Variants in THSD1 observed in about 807,000 individuals in gnomAD.
THSD1 encodes the protein thrombospondin type 1 domain containing 1.
In THSD1, 34 loss-of-function variants were observed where a neutral mutation model predicts 46.3. The observed-to-expected ratio is 0.74, with a 90% CI of 0.56 to 0.98. The LOEUF is 0.98. Ranked by LOEUF, THSD1 falls within the 50% of genes least tolerant of loss-of-function variation. THSD1 has a pLI of 0.00. For missense variants in THSD1, 1,023 were observed against 1,058.3 expected (o/e 0.97, Z 0.46); for synonymous variants, 407 against 416.5 (o/e 0.98, Z 0.28).
Position 52,381,401 on chromosome 13 carries a change from C to T in THSD1, c.1181-2612G>A, listed in dbSNP as rs544586413. ...GTCACAGCACCCAACCTCAGCTGCCCACAAATCCTTCCATGGGTCCCCTAA... is the reference window on the plus strand; with the variant it reads ...GTCACAGCACCCAACCTCAGCTGCCTACAAATCCTTCCATGGGTCCCCTAA... On this transcript the variant is annotated intron_variant, in intron 4 of 4. Transcript: ENST00000258613. Among the ~76,000 whole-genome samples the T allele has an allele frequency of 2.0e-5, 3 of 152,232 alleles. No individual in the cohort carries two copies. In the South Asian group the frequency reaches 6.2e-4, roughly 32 times the overall value.
intron 3 of THSD1, among the ~76,000 whole-genome samples, chr13:52,392,994 C>A (rs565067024): frequency 6.6e-6 from 1 of 152,046 alleles, no homozygotes; most frequent in East Asian, 1.9e-4. Flanking sequence ...AAAAACAGAG[C>A]CTTTTTTTTT....
rs1957656496 is a variant in THSD1 at position 52,378,298 on chromosome 13, G to T, written c.1672C>A (p.Pro558Thr). The T allele has an allele frequency of 6.2e-7, 1 of 1,614,090 alleles. No individual in the cohort carries two copies. The highest frequency in any genetic ancestry group is 1.3e-5 in the African/African-American group (1 of 74,924). ...TTKVYHVSQS[P>T]LTDTAIDAAP... ...GCATCAATGGCAGTGTCTGTCAGGG[G>T]ACTCTGAGACACGTGATACACTTTG... Residue 558 changes from proline to threonine, a missense_variant, in exon 5 of 5, where the codon CCC becomes ACC. Around this residue, in one of 3 missense-constraint regions of THSD1, gnomAD observed 578 missense variants for 497.4 expected, o/e 1.16. Coordinates refer to ENST00000258613, the MANE Select transcript of THSD1 (RefSeq NM_018676.4).
At chr13:52,385,561 GT>G (rs911392621) in intron 4 of THSD1, among the ~76,000 whole-genome samples, 6 of 148,638 alleles carry the variant, frequency 4.0e-5, no homozygotes, top group Admixed American at 3.3e-4. Context: ...GCCACTCAGG[GT>G]ATAGGACAGG....
rs1655866346 is a variant in THSD1, at chr13:52,386,198, TAA to T, written c.1022-14_1022-13del. ...CAGTCCCCAAGTTTCTGCAAGGATA[TAA>T]GTTATGCTTTTAATGCTAGTTCATT... On this transcript the variant is annotated splice_polypyrimidine_tract_variant and intron_variant, in intron 3 of 4. Transcript: ENST00000258613. 2.5e-6 allele frequency: 4 copies of T among 1,612,538 alleles called. No individual in the cohort carries two copies. The African/African-American group carries it at 5.3e-5, about 21-fold the overall frequency.
intron 2 of THSD1, among the ~76,000 whole-genome samples, chr13:52,400,932 G>C (rs914329882): frequency 1.3e-5 from 2 of 151,990 alleles, no homozygotes; most frequent in African/African-American, 4.8e-5. Flanking sequence ...TTTGTAGAAG[G>C]CTGTTACATG....
chr13:52,377,239 C>A lies in THSD1; in HGVS notation c.*172G>T. The stretch of plus-strand genomic sequence containing the variant: ...AGAAATTGAATAACAAAGGAAAAAG[C>A]TCAAGATAAATAATTTCTTCCTTGT... On this transcript the variant is annotated 3_prime_UTR_variant, in exon 5 of 5. Transcript: ENST00000258613. 2 of 1,322,532 alleles carry A rather than the reference C, an allele frequency of 1.5e-6. No homozygotes were observed. The highest frequency in any genetic ancestry group is 2.8e-5 in the South Asian group (1 of 35,272). The allele number at this position is 1,322,532 out of a possible 1,614,324, so 81.9% of individuals were successfully genotyped here.
intron 3 of THSD1, among the ~76,000 whole-genome samples, chr13:52,392,515 C>T (rs930065589): frequency 2.0e-5 from 3 of 152,330 alleles, no homozygotes; most frequent in East Asian, 3.9e-4. Flanking sequence ...TCCTACTTCA[C>T]GAATGAAAAG....
chr13:52,387,202 A>T (rs1381026033), intron 3 of THSD1, among the ~76,000 whole-genome samples: 2 of 152,244 alleles, frequency 1.3e-5, no homozygotes, highest in Non-Finnish European at 2.9e-5. Flanking sequence ...CCCTATAGTC[A>T]TGCAATGCCT....
At chr13:52,402,734 T>C (rs1957874684) in intron 1 of THSD1, 53 bp from the exon 2 acceptor site, 5 of 1,433,674 alleles carry the variant, frequency 3.5e-6, no homozygotes, top group Middle Eastern at 1.8e-4. Context: ...ATTGATAAAA[T>C]AGTAATCATT....
chr13:52,379,029 A>AT (rs1322630679), intron 4 of THSD1, among the ~76,000 whole-genome samples: 1 of 151,442 alleles, frequency 6.6e-6, no homozygotes, highest in Non-Finnish European at 1.5e-5. Flanking sequence ...CGCCTGGCTA[A>AT]TTTTTTTGTA....
At chr13:52,399,814 C>T (rs979616905) in intron 2 of THSD1, among the ~76,000 whole-genome samples, 1 of 152,146 alleles carries the variant, frequency 6.6e-6, no homozygotes, top group African/African-American at 2.4e-5. Context: ...TGTACTGGAT[C>T]AGACCCAACC....
intron 3 of THSD1, among the ~76,000 whole-genome samples, chr13:52,387,689 G>C (rs1957743276): frequency 6.6e-6 from 1 of 152,108 alleles, no homozygotes; most frequent in Non-Finnish European, 1.5e-5. Flanking sequence ...AGATGAAGAA[G>C]GCTCATCAAT....
rs56013270 is a variant in THSD1 at position 52,378,499 on chromosome 13, C to G, written c.1471G>C (p.Asp491His). The G allele has an allele frequency of 6.4e-3, 10,268 of 1,614,158 alleles. 234 individuals are homozygous for G. In the African/African-American group the frequency reaches 0.07, roughly 11 times the overall value. ...GGDGPTGSPG[D>H]TGIPLTYRRS... ...CTGTAGGTCAGAGGGATGCCTGTGT[C>G]CCCTGGACTCCCCGTGGGCCCGTCT... The change falls in exon 5 of 5, where the codon GAC becomes CAC. Residue 491 changes from aspartate to histidine, a missense_variant. Asp to His is a moderately conservative substitution (Grantham distance 81). This residue lies in a region of THSD1 where 578 missense variants were observed against 497.4 expected (regional missense o/e 1.16). Transcript: ENST00000258613.
chr13:52,403,054 T>G, intron 1 of THSD1: 1 of 647,394 alleles, frequency 1.5e-6, no homozygotes, highest in Non-Finnish European at 1.9e-6. Flanking sequence ...CATTTCACAC[T>G]GATCAATTTA....
chr13:52,392,190 C>CAAAAAAAAA (rs368671089), intron 3 of THSD1, among the ~76,000 whole-genome samples: 19 of 69,684 alleles, frequency 2.7e-4, no homozygotes, highest in South Asian at 6.1e-4. Context: ...AGACTCCTCT[C>CAAAAAAAAA]AAAAAAAAAA....
rs776590140 is a variant in THSD1 at position 52,377,989 on chromosome 13, GC to G, written c.1980del (p.Arg660SerfsTer14). ...FRRTASFHEA[R>X]QARPFRERSM... ...CTCCTCTCTCGGAACGGCCGGGCCTGCCTGGCTTCATGGAAACTCGCTGTCC... is the reference window on the plus strand; with the variant it reads ...CTCCTCTCTCGGAACGGCCGGGCCTGCTGGCTTCATGGAAACTCGCTGTCC... On this transcript the variant is annotated frameshift_variant, in exon 5 of 5. Coordinates refer to ENST00000258613, the MANE Select transcript of THSD1 (RefSeq NM_018676.4). LOFTEE classifies it high-confidence loss of function. 1 of 1,614,138 alleles carries G rather than the reference GC, an allele frequency of 6.2e-7. No individual in the cohort carries two copies. The highest frequency in any genetic ancestry group is 2.2e-5 in the East Asian group (1 of 44,864).
intron 1 of THSD1, among the ~76,000 whole-genome samples, chr13:52,403,857 G>C (rs906091332): frequency 2.1e-4 from 32 of 150,608 alleles, no homozygotes; most frequent in Non-Finnish European, 1.5e-5. Flanking sequence ...TTTCATACTA[G>C]AGTCTAGCAA....
At chr13:52,386,251 A>G in intron 3 of THSD1, 65 bp from the exon 4 acceptor site, 1 of 1,517,514 alleles carries the variant, frequency 6.6e-7, no homozygotes, top group Non-Finnish European at 9.0e-7. Context: ...AACTGCACCC[A>G]AATGAAACAG....
intron 4 of THSD1, among the ~76,000 whole-genome samples, chr13:52,379,777 A>G (rs1957677927): frequency 6.6e-6 from 1 of 152,096 alleles, no homozygotes; most frequent in African/African-American, 2.4e-5. Flanking sequence ...CCAGCCAGAA[A>G]TTTTCAAGAT....
Sources: allele counts gnomAD v4.1 joint callset (sites outside exome capture counted in the v4.1 genomes callset), GRCh38; gene constraint gnomAD v4.1.1; regional missense constraint gnomAD v4.1.1; transcripts MANE v1.5; gene names NCBI Gene and HGNC (gene_info 2026-07-23, HGNC 2026-07-21).